Variants in NOP14 observed in about 807,000 individuals in gnomAD.
NOP14 encodes the protein NOP14 nucleolar protein.
In NOP14, 57 loss-of-function variants were observed where a neutral mutation model predicts 101.6. That is an observed-to-expected ratio of 0.56 (90% CI 0.45 to 0.70). The LOEUF (loss-of-function observed/expected upper bound fraction) is 0.70, where lower values mean the gene tolerates loss of function less well. Among genes scored for constraint, NOP14 ranks in the 30% least tolerant of loss-of-function variants. The probability of loss-of-function intolerance (pLI) is 0.00; values close to 1 mark genes in which losing one functional copy is unlikely to be tolerated. For missense variants in NOP14, 1,134 were observed against 1,075.5 expected, an observed-to-expected ratio of 1.05 and a Z score of -0.76; for synonymous variants, 428 against 424.0, an observed-to-expected ratio of 1.01 and a Z score of -0.12.
chr4:2,953,445 T>C, intron 5 of NOP14, 66 bp downstream of exon 5: 1 of 1,580,820 alleles, frequency 6.3e-7, no homozygotes, highest in South Asian at 1.1e-5. Context: ...CCCAGCCCTT[T>C]CTCTGGAGAA....
At chr4:2,960,771 ATATTAATATTATAAT>A (rs1715724484) in intron 1 of NOP14, among the ~76,000 whole-genome samples, 1 of 135,596 alleles carries the variant, frequency 7.4e-6, no homozygotes, top group African/African-American at 2.9e-5. Context: ...TAATATTAAT[ATATTAATATTATAAT>A]CACATTAATA....
intron 10 of NOP14, chr4:2,946,951 T>C: frequency 1.3e-5 from 3 of 239,560 alleles, no homozygotes; most frequent in Non-Finnish European, 2.5e-5. Flanking sequence ...GAAGCTGGTG[T>C]GCACTCTCAT....
Position 2,942,287 on chromosome 4 carries a change from A to T in NOP14, c.1956T>A (p.Ala652=), listed in dbSNP as rs145858265. The T allele has an allele frequency of 1.3e-4, 215 of 1,614,140 alleles. 1 individual carries two copies. The East Asian group carries it at 3.6e-3, about 27-fold the overall frequency. ...GKNSELLVVS[A]REDVATWQQS... Reference sequence around the variant, plus strand: ...GCTGCCACGTGGCCACATCCTCTCTAGCAGACACCACGAGCAGTTCCGAGT... The same window carrying T: ...GCTGCCACGTGGCCACATCCTCTCTTGCAGACACCACGAGCAGTTCCGAGT... The change falls in exon 14 of 18, where the codon GCT becomes GCA. Residue 652 remains alanine (A), a synonymous_variant. Coordinates refer to ENST00000416614, the MANE Select transcript of NOP14 (RefSeq NM_001291978.2).
Position 2,963,180 on chromosome 4 carries a change from T to C in NOP14, c.140A>G (p.Lys47Arg). Residue 47 changes from lysine (K) to arginine (R), a missense_variant, in exon 1 of 18, where the codon AAG becomes AGG. Lys to Arg is a conservative substitution (Grantham distance 26). Coordinates refer to ENST00000416614, the MANE Select transcript of NOP14 (RefSeq NM_001291978.2). ...NRQKFQILGR[K>R]TRHDVGLPGV... The stretch of plus-strand genomic sequence containing the variant: ...GGGCAGTCCCACGTCGTGGCGCGTC[T>C]TCCGGCCCAGGATCTGGAACTTCTG... 1 of 1,581,322 alleles carries C rather than the reference T, an allele frequency of 6.3e-7. No homozygotes were observed. Among genetic ancestry groups the C allele is most frequent in the Non-Finnish European group, 8.6e-7 (1 of 1,166,330 alleles).
chr4:2,939,462 G>A (rs560879167), intron 16 of NOP14, 65 bp downstream of exon 16: 119 of 1,592,504 alleles, frequency 7.5e-5, no homozygotes, highest in East Asian at 4.9e-4. Flanking sequence ...ACTGGCAGAC[G>A]CCCCCCGTCA....
In NOP14 at chr4:2,941,308, G is replaced by A. The variant is rs557936136; in HGVS notation, c.2199+274C>T. ...GCCTGGCAGGGGCTGACCCCTGGGCGCTGGTGCACCCTCCGTGCGGCCTCT... is the reference window on the plus strand; with the variant it reads ...GCCTGGCAGGGGCTGACCCCTGGGCACTGGTGCACCCTCCGTGCGGCCTCT... On this transcript the variant is annotated intron_variant, in intron 15 of 17. Transcript: ENST00000416614. The A allele has an allele frequency of 6.0e-5, 26 of 431,612 alleles. No homozygotes were observed. The East Asian group carries it at 8.9e-4, about 15-fold the overall frequency. 26.7% of individuals were successfully genotyped at this position (431,612 alleles called of 1,614,324 possible). A position where few individuals can be genotyped will look rare whatever the true frequency, so the allele number is the denominator to read the frequency against.
intron 15 of NOP14, chr4:2,940,473 C>G (rs1714076330): frequency 6.6e-6 from 1 of 152,322 alleles, no homozygotes; most frequent in African/African-American, 2.4e-5. Context: ...CAGGCCAACC[C>G]AAATTCTTTT....
At chr4:2,945,320 T>A in intron 11 of NOP14, 91 bp from the exon 12 acceptor site, 2 of 972,732 alleles carry the variant, frequency 2.1e-6, no homozygotes, top group Non-Finnish European at 3.1e-6. Context: ...AAGAACAGGA[T>A]CTGGCGAGGA....
At chr4:2,959,378 G>A (rs1199106916) in intron 1 of NOP14, among the ~76,000 whole-genome samples, 1 of 152,262 alleles carries the variant, frequency 6.6e-6, no homozygotes, top group African/African-American at 2.4e-5. Context: ...GGATCACGAG[G>A]TTAGAAGATC....
At chr4:2,942,082 G>T in intron 14 of NOP14, 110 bp downstream of exon 14, 1 of 1,136,522 alleles carries the variant, frequency 8.8e-7, no homozygotes, top group Non-Finnish European at 1.3e-6. Flanking sequence ...CAAACCAAAC[G>T]GCCGGGCGGC....
intron 7 of NOP14, chr4:2,950,629 T>C (rs1210295064): frequency 4.7e-6 from 1 of 213,584 alleles, no homozygotes; most frequent in Non-Finnish European, 9.4e-6. Flanking sequence ...CCTGCCTATT[T>C]TTCTTCCCTG....
In NOP14 at chr4:2,948,314, G is replaced by T. The variant is rs749804670; in HGVS notation, c.1377C>A (p.His459Gln). 1 of 1,608,816 alleles carries T rather than the reference G, an allele frequency of 6.2e-7. No homozygotes were observed. The highest frequency in any genetic ancestry group is 8.5e-7 in the Non-Finnish European group (1 of 1,178,814). Residue 459 changes from histidine (H) to glutamine (Q), a missense_variant, in exon 9 of 18, where the codon CAC becomes CAA. Transcript: ENST00000416614. ...CTTTGTTTCCTTCTGCGAGACTCGGGTGGTTGCACTTCTGAATTCTCTCCA... is the reference window on the plus strand; with the variant it reads ...CTTTGTTTCCTTCTGCGAGACTCGGTTGGTTGCACTTCTGAATTCTCTCCA... ...LVVERIQKCN[H>Q]PSLAEGNKAK... is the part of the protein sequence containing the mutation.
intron 11 of NOP14, 124 bp downstream of exon 11, chr4:2,946,288 G>GATCACCCTCGCTGCCGTGCACT: frequency 9.1e-7 from 1 of 1,103,474 alleles, no homozygotes; most frequent in Non-Finnish European, 1.3e-6. Context: ...CTGCCGTGCA[G>GATCACCCTCGCTGCCGTGCACT]CTCACTCCAC....
At position 2,939,219 on chromosome 4, in the gene NOP14, C is replaced by T. The variant is rs1435666031; in HGVS notation, c.2443G>A (p.Ala815Thr). The T allele has an allele frequency of 6.2e-7, 1 of 1,613,894 alleles. No individual in the cohort carries two copies. Among genetic ancestry groups the T allele is most frequent in the East Asian group, 2.2e-5 (1 of 44,902 alleles). The change falls in exon 17 of 18, where the codon GCG becomes ACG. Residue 815 changes from alanine to threonine, a missense_variant. By Grantham distance (58) the Ala-to-Thr change is moderately conservative (BLOSUM62 0). Transcript: ENST00000416614. ...ATGATTTCTGAGAGTTGCATCCTCG[C>T]CAGGAACTGATTGTCCTTGCGGATT... ...REIRKDNQFL[A>T]RMQLSEIMER...
At chr4:2,950,922 A>C in intron 7 of NOP14, 192 bp downstream of exon 7, 1 of 545,722 alleles carries the variant, frequency 1.8e-6, no homozygotes. Flanking sequence ...GAGTGCACAT[A>C]CTATTGTTAA....
rs372185799 is a variant in NOP14 at position 2,952,642 on chromosome 4, T to C, written c.748-245A>G. ...CCCCTAGAAAAATTCTCAGAATACA[T>C]CTGCTTTAACGAAAACAGGCCAGGT... On this transcript the variant is annotated intron_variant, in intron 5 of 17. Transcript: ENST00000416614. 5.5e-4 allele frequency among the ~76,000 whole-genome samples: 84 copies of C among 152,276 alleles called. 1 individual carries two copies. The highest frequency in any genetic ancestry group is 1.9e-3 in the African/African-American group (80 of 41,556).
intron 4 of NOP14, 63 bp downstream of exon 4, chr4:2,954,361 A>T: frequency 1.9e-6 from 3 of 1,570,936 alleles, no homozygotes; most frequent in Non-Finnish European, 2.6e-6. Flanking sequence ...AAAAAAGCTC[A>T]AACACATTTT....
intron 1 of NOP14, among the ~76,000 whole-genome samples, chr4:2,958,414 C>T (rs1255558519): frequency 6.6e-6 from 1 of 152,216 alleles, no homozygotes; most frequent in Non-Finnish European, 1.5e-5. Context: ...GTGGCCTCTG[C>T]AACCTGAGAT....
rs917730835 is a variant in NOP14, at chr4:2,945,078, C to A, written c.1737+50G>T. 6 of 1,351,936 alleles carry A rather than the reference C, an allele frequency of 4.4e-6. No individual in the cohort carries two copies. The African/African-American group carries it at 7.2e-5, about 16-fold the overall frequency. The allele number at this position is 1,351,936 out of a possible 1,614,324, so 83.7% of individuals were successfully genotyped here. ...AGGCCCCGAGGGGCTGTGGCTCCGGCCACCCGTGGTGCAGCAGGCCGACCC... is the reference window on the plus strand; with the variant it reads ...AGGCCCCGAGGGGCTGTGGCTCCGGACACCCGTGGTGCAGCAGGCCGACCC... On this transcript the variant is annotated intron_variant, in intron 12 of 17. Transcript: ENST00000416614.
Sources: allele counts gnomAD v4.1 joint callset (sites outside exome capture counted in the v4.1 genomes callset), GRCh38; gene constraint gnomAD v4.1.1; transcripts MANE v1.5; gene names NCBI Gene and HGNC (gene_info 2026-07-23, HGNC 2026-07-21).